PHF21A: variants seen among roughly 807,000 people sequenced by gnomAD.
PHF21A encodes the protein PHD finger protein 21A, also known as BHC80a.
Under a neutral mutation model 82.5 loss-of-function variants are expected in PHF21A, and 11 were observed. That is an observed-to-expected ratio of 0.13 (90% CI 0.08 to 0.22). PHF21A has a LOEUF of 0.22. Ranked by LOEUF, PHF21A falls within the 10% of genes least tolerant of loss-of-function variation. The pLI is 1.00. For synonymous variants in PHF21A, 297 were observed against 302.8 expected (o/e 0.98, Z 0.20); for missense variants, 579 against 837.8 (o/e 0.69, Z 3.81).
At chr11:45,948,741 C>T (rs757776350) in intron 14 of PHF21A, 145 bp downstream of exon 14, 2 of 706,542 alleles carry the variant, frequency 2.8e-6, no homozygotes, top group Non-Finnish European at 5.1e-6. Flanking sequence ...TCTCTTTTCT[C>T]TCCCATTCTC....
intron 6 of PHF21A, among the ~76,000 whole-genome samples, chr11:46,073,534 C>A (rs2096682005): frequency 6.6e-6 from 1 of 152,088 alleles, no homozygotes; most frequent in African/African-American, 2.4e-5. Flanking sequence ...AGAAAATATA[C>A]ATAAGAGTAT....
intron 6 of PHF21A, among the ~76,000 whole-genome samples, chr11:45,999,508 G>C (rs964054589): frequency 6.6e-6 from 1 of 152,110 alleles, no homozygotes; most frequent in Non-Finnish European, 1.5e-5. Flanking sequence ...CTAGAAAGTA[G>C]AATTATTCTA....
rs375773738 is a variant in PHF21A at position 46,076,737 on chromosome 11, C to T, written c.153+17G>A. 3.7e-6 allele frequency: 6 copies of T among 1,601,148 alleles called. No homozygotes were observed. The highest frequency in any genetic ancestry group is 5.1e-6 in the Non-Finnish European group (6 of 1,170,036). ...AACACAACGTTAAAAATATGCCCCC[C>T]TCCCCTTTTCCCCTACCTGTTTCTC... On this transcript the variant is annotated intron_variant, in intron 6 of 18. Coordinates refer to ENST00000676320, the MANE Select transcript of PHF21A (RefSeq NM_001352027.3).
At chr11:45,943,854 C>T (rs57199754) in intron 15 of PHF21A, among the ~76,000 whole-genome samples, 3,983 of 152,202 alleles carry the variant, frequency 0.026, 133 homozygotes, top group African/African-American at 0.078. Context: ...CTGATAATGA[C>T]CCATCGTCAC....
intron 6 of PHF21A, among the ~76,000 whole-genome samples, chr11:46,030,834 T>TGTGTGC (rs2095851992): frequency 3.0e-5 from 2 of 66,396 alleles, no homozygotes; most frequent in East Asian, 4.5e-3. Context: ...TGTGTGCGTG[T>TGTGTGC]GTGTGTGTGT....
chr11:46,029,089 T>G (rs2095812855), intron 6 of PHF21A, among the ~76,000 whole-genome samples: 1 of 152,150 alleles, frequency 6.6e-6, no homozygotes, highest in African/African-American at 2.4e-5. Flanking sequence ...TGCAAAAGAG[T>G]GTTATCTGTC....
chr11:46,012,943 T>C (rs1368980074), intron 6 of PHF21A, among the ~76,000 whole-genome samples: 2 of 152,206 alleles, frequency 1.3e-5, no homozygotes, highest in Non-Finnish European at 2.9e-5. Context: ...TCAGTCCTCA[T>C]AGGGGAAAAT....
intron 3 of PHF21A, among the ~76,000 whole-genome samples, chr11:46,087,901 G>A (rs906660115): frequency 6.6e-6 from 1 of 152,084 alleles, no homozygotes; most frequent in Non-Finnish European, 1.5e-5. Context: ...GACTACAGGT[G>A]TGCCCCACCA....
At chr11:46,110,805 A>G (rs1376724517) in intron 1 of PHF21A, among the ~76,000 whole-genome samples, 2 of 131,392 alleles carry the variant, frequency 1.5e-5, no homozygotes, top group Non-Finnish European at 3.1e-5. Context: ...TTTTTTTTTG[A>G]GACAGAGTCT....
intron 1 of PHF21A, among the ~76,000 whole-genome samples, chr11:46,108,505 G>GA (rs1223359996): frequency 1.3e-5 from 2 of 149,934 alleles, no homozygotes; most frequent in Non-Finnish European, 3.0e-5. Flanking sequence ...TAGTCACCTG[G>GA]AAAAAAGTAA....
At chr11:46,005,918 C>T (rs1937299820) in intron 6 of PHF21A, among the ~76,000 whole-genome samples, 1 of 152,098 alleles carries the variant, frequency 6.6e-6, no homozygotes, top group African/African-American at 2.4e-5. Flanking sequence ...AACTTCAGAA[C>T]TCTCAAGAAC....
intron 11 of PHF21A, among the ~76,000 whole-genome samples, chr11:45,952,556 T>A (rs1298657091): frequency 6.6e-6 from 1 of 152,260 alleles, no homozygotes; most frequent in African/African-American, 2.4e-5. Context: ...CACAAGTTCC[T>A]CAGCAATTTT....
chr11:46,056,112 T>C (rs554485079), intron 6 of PHF21A, among the ~76,000 whole-genome samples: 39 of 152,322 alleles, frequency 2.6e-4, no homozygotes, highest in Admixed American at 1.1e-3. Context: ...TTTCCTATCT[T>C]AAAGTAACAA....
chr11:45,938,359 A>T (rs2089600701), intron 15 of PHF21A, 47 bp from the exon 16 acceptor site: 3 of 1,518,968 alleles, frequency 2.0e-6, no homozygotes, highest in Non-Finnish European at 2.7e-6. Context: ...AAAAGGTAAA[A>T]TTTTAATGTT....
At chr11:45,937,861 G>T (rs1227172799) in intron 16 of PHF21A, among the ~76,000 whole-genome samples, 2 of 152,156 alleles carry the variant, frequency 1.3e-5, no homozygotes, top group Non-Finnish European at 2.9e-5. Context: ...CATATACTTG[G>T]TCTGGACCAT....
Position 45,984,832 on chromosome 11 carries a change from A to G in PHF21A, c.154-4866T>C, listed in dbSNP as rs993595762. On this transcript the variant is annotated intron_variant, in intron 6 of 18. Coordinates refer to ENST00000676320, the MANE Select transcript of PHF21A (RefSeq NM_001352027.3). ...GTCACTCCACTGGTTTGTGCTCTACATGGCAGTATCTGTTGCGTATCAATT... is the reference window on the plus strand; with the variant it reads ...GTCACTCCACTGGTTTGTGCTCTACGTGGCAGTATCTGTTGCGTATCAATT... 5.3e-5 allele frequency among the ~76,000 whole-genome samples: 8 copies of G among 152,288 alleles called. No homozygotes were observed. In the South Asian group the frequency reaches 6.2e-4, roughly 12 times the overall value.
At chr11:45,944,662 T>G (rs1426635058) in intron 15 of PHF21A, among the ~76,000 whole-genome samples, 1 of 152,204 alleles carries the variant, frequency 6.6e-6, no homozygotes, top group Non-Finnish European at 1.5e-5. Context: ...GCACTGCTGT[T>G]CCCTCTGCCT....
chr11:46,041,741 C>A (rs2138787448), intron 6 of PHF21A, among the ~76,000 whole-genome samples: 1 of 152,196 alleles, frequency 6.6e-6, no homozygotes, highest in South Asian at 2.1e-4. Flanking sequence ...GTATAGTGAT[C>A]CCTTTGATAA....
Position 46,084,202 on chromosome 11 carries a change from T to C in PHF21A, c.18A>G (p.Leu6=), listed in dbSNP as rs2096828366. 10 of 1,602,548 alleles carry C rather than the reference T, an allele frequency of 6.2e-6. No individual in the cohort carries two copies. The highest frequency in any genetic ancestry group is 8.5e-6 in the Non-Finnish European group (10 of 1,176,502). MELQT[L]QEALKVEIQV... ...GAATTTCCACTTTAAGAGCCTCCTG[T>C]AGAGTCTGCAACTCCATCCTCTACC... The change falls in exon 4 of 19, where the codon CTA becomes CTG. Residue 6 remains leucine (L), a synonymous_variant. Coordinates refer to ENST00000676320, the MANE Select transcript of PHF21A (RefSeq NM_001352027.3).
Sources: gnomAD v4.1 joint callset for allele counts (sites outside exome capture counted in the v4.1 genomes callset) on GRCh38, gnomAD v4.1.1 for gene constraint, MANE v1.5 for transcripts, NCBI Gene and HGNC (gene_info 2026-07-23, HGNC 2026-07-21) for gene names.